JARID2: variants seen among roughly 807,000 people sequenced by gnomAD.
The protein encoded by JARID2 is protein Jumonji.
A neutral mutation model predicts 125.6 loss-of-function variants in JARID2; 21 were observed. The ratio of observed to expected loss-of-function variants is 0.17; its 90% confidence interval spans 0.12 to 0.24. JARID2 has a LOEUF of 0.24. JARID2 is among the 10% of genes least tolerant of loss of function. The probability of loss-of-function intolerance (pLI) is 1.00; values close to 1 mark genes in which losing one functional copy is unlikely to be tolerated. For missense variants in JARID2, 1,303 were observed against 1,639.6 expected (o/e 0.79, Z 3.55); for synonymous variants, 736 against 661.6 (o/e 1.11, Z -1.73).
chr6:15,435,247 G>A (rs1767152370), intron 3 of JARID2, among the ~76,000 whole-genome samples: 1 of 152,180 alleles, frequency 6.6e-6, no homozygotes, highest in Admixed American at 6.5e-5. Flanking sequence ...TCTTCTTACA[G>A]AGGGTTCATG....
At chr6:15,321,790 T>G (rs1419248289) in intron 1 of JARID2, among the ~76,000 whole-genome samples, 3 of 132,496 alleles carry the variant, frequency 2.3e-5, no homozygotes, top group Non-Finnish European at 3.2e-5. Context: ...CTTGTTTTTT[T>G]TTTTTTTTTT....
At chr6:15,400,645 T>G (rs1170469560) in intron 2 of JARID2, among the ~76,000 whole-genome samples, 2 of 128,186 alleles carry the variant, frequency 1.6e-5, no homozygotes, top group African/African-American at 5.9e-5. Flanking sequence ...AGCTAGTGAC[T>G]CTTTTCCTTT....
At chr6:15,252,516 C>T (rs1055542973) in intron 1 of JARID2, among the ~76,000 whole-genome samples, 3 of 152,124 alleles carry the variant, frequency 2.0e-5, no homozygotes, top group African/African-American at 7.2e-5. Context: ...GATTGTATTA[C>T]TTTTGGAGTT....
At chr6:15,330,821 T>C (rs1413968319) in intron 1 of JARID2, among the ~76,000 whole-genome samples, 2 of 152,198 alleles carry the variant, frequency 1.3e-5, no homozygotes, top group African/African-American at 2.4e-5. Context: ...AAAAAATATA[T>C]ATTTTAAGTC....
chr6:15,468,716 A>C lies in JARID2; in HGVS notation c.668A>C (p.His223Pro), dbSNP rs1283195188. The change falls in exon 5 of 18, where the codon CAT becomes CCT. Residue 223 changes from histidine (H) to proline (P), a missense_variant and splice_region_variant. His to Pro is a moderately conservative substitution (Grantham distance 77). Around this residue, in one of 11 missense-constraint regions of JARID2, gnomAD observed 651 missense variants for 581.6 expected, o/e 1.12. Coordinates refer to ENST00000341776, the MANE Select transcript of JARID2 (RefSeq NM_004973.4). Reference sequence around the variant, plus strand: ...ACCCACAAACATGTTCACAACGGGCATGGTAGGTCCACCGTTGAACTTGGA... The same window carrying C: ...ACCCACAAACATGTTCACAACGGGCCTGGTAGGTCCACCGTTGAACTTGGA... Reference protein sequence around the residue: ...GKTHKHVHNGHVFNGSSRSTR... With the variant: ...GKTHKHVHNGPVFNGSSRSTR... The C allele has an allele frequency of 1.2e-6, 2 of 1,609,850 alleles. No individual in the cohort carries two copies. The highest frequency in any genetic ancestry group is 1.7e-6 in the Non-Finnish European group (2 of 1,178,040).
intron 2 of JARID2, among the ~76,000 whole-genome samples, chr6:15,390,562 C>T (rs1455950187): frequency 1.3e-5 from 2 of 152,164 alleles, no homozygotes; most frequent in Non-Finnish European, 2.9e-5. Flanking sequence ...TTTCTTAGCC[C>T]CTCTGTGAGA....
rs929387129 is a variant in JARID2, at chr6:15,490,179, G to A, written c.906+2637G>A. On this transcript the variant is annotated intron_variant, in intron 6 of 17. Coordinates refer to ENST00000341776, the MANE Select transcript of JARID2 (RefSeq NM_004973.4). ...ACTGCTTGATACAAGTGATTAGACT[G>A]TGACCTTTCATCTTTTCAACTGCAT... Among the ~76,000 whole-genome samples the A allele has an allele frequency of 2.7e-5, 4 of 147,458 alleles. No individual in the cohort carries two copies. The East Asian group carries it at 5.8e-4, about 21-fold the overall frequency.
At chr6:15,404,646 CACAGTGACAGGGTGACAGACG>C (rs1299942369) in intron 2 of JARID2, among the ~76,000 whole-genome samples, 1 of 152,104 alleles carries the variant, frequency 6.6e-6, no homozygotes. Flanking sequence ...AACCTTGTCT[CACAGTGACAGGGTGACAGACG>C]GCATTGGCTC....
intron 11 of JARID2, 66 bp from the exon 12 acceptor site, chr6:15,508,274 T>C (rs1215430249): frequency 1.2e-6 from 1 of 808,630 alleles, no homozygotes; most frequent in African/African-American, 1.7e-5. Context: ...AGATTTTTAC[T>C]TACTGTTCCT....
At chr6:15,317,568 A>T (rs1368344518) in intron 1 of JARID2, among the ~76,000 whole-genome samples, 1 of 151,552 alleles carries the variant, frequency 6.6e-6, no homozygotes, top group Non-Finnish European at 1.5e-5. Context: ...CGTAAAGGTG[A>T]GTTTTCCCCA....
At chr6:15,258,013 A>G (rs772761616) in intron 1 of JARID2, among the ~76,000 whole-genome samples, 17 of 152,196 alleles carry the variant, frequency 1.1e-4, no homozygotes, top group Admixed American at 7.2e-4. Context: ...TCTTATATGT[A>G]TGAAATGCTT....
chr6:15,267,196 G>C (rs945109456), intron 1 of JARID2, among the ~76,000 whole-genome samples: 4 of 152,204 alleles, frequency 2.6e-5, no homozygotes, highest in African/African-American at 9.7e-5. Context: ...TGTCCAAAGA[G>C]ACCCTGGGCT....
Position 15,367,519 on chromosome 6 carries a change from T to G in JARID2, c.46-6598T>G, listed in dbSNP as rs77236478. On this transcript the variant is annotated intron_variant, in intron 1 of 17. Transcript: ENST00000341776. ...CTTTTACCTAGGAGTCAGTGTGAGT[T>G]ACATATTTAACATCTCTGGCTACTA... Among the ~76,000 whole-genome samples, 1,142 of 152,334 alleles carry G rather than the reference T, an allele frequency of 7.5e-3. 15 individuals carry two copies. Among genetic ancestry groups the G allele is most frequent in the African/African-American group, 0.026 (1,083 of 41,570 alleles).
At chr6:15,421,795 G>T (rs1581540030) in intron 3 of JARID2, among the ~76,000 whole-genome samples, 1 of 152,174 alleles carries the variant, frequency 6.6e-6, no homozygotes, top group East Asian at 1.9e-4. Flanking sequence ...GAATTTTCAG[G>T]TGTGTGCATC....
At chr6:15,422,985 C>CCT (rs1766566447) in intron 3 of JARID2, among the ~76,000 whole-genome samples, 1 of 125,922 alleles carries the variant, frequency 7.9e-6, no homozygotes, top group Non-Finnish European at 1.6e-5. Flanking sequence ...GTAGCCTAGT[C>CCT]TTTTTTTTTT....
intron 5 of JARID2, among the ~76,000 whole-genome samples, chr6:15,475,320 C>CTGCAGG (rs536214424): frequency 1.3e-5 from 2 of 152,326 alleles, no homozygotes; most frequent in East Asian, 3.9e-4. Context: ...GCTTGGAGCT[C>CTGCAGG]TGCAGGTGCA....
At chr6:15,471,362 T>G (rs1464382112) in intron 5 of JARID2, among the ~76,000 whole-genome samples, 2 of 152,188 alleles carry the variant, frequency 1.3e-5, no homozygotes, top group African/African-American at 4.8e-5. Flanking sequence ...GTGAAGGAAT[T>G]TAATTTTCTA....
intron 1 of JARID2, among the ~76,000 whole-genome samples, chr6:15,372,379 G>T (rs748926887): frequency 6.6e-6 from 1 of 152,000 alleles, no homozygotes; most frequent in African/African-American, 2.4e-5. Context: ...ATTATTTTTA[G>T]ACAGAGTTTT....
At chr6:15,434,374 A>AG (rs1364573434) in intron 3 of JARID2, among the ~76,000 whole-genome samples, 10 of 152,184 alleles carry the variant, frequency 6.6e-5, no homozygotes, top group African/African-American at 2.4e-4. Context: ...GCACATAGAT[A>AG]GATTACGAGG....
Sources: gnomAD v4.1 joint callset for allele counts (sites outside exome capture counted in the v4.1 genomes callset) on GRCh38, gnomAD v4.1.1 for gene constraint, gnomAD v4.1.1 regional missense constraint, MANE v1.5 for transcripts, NCBI Gene and HGNC (gene_info 2026-07-23, HGNC 2026-07-21) for gene names.